FMN1: variants seen among roughly 807,000 people sequenced by gnomAD.
FMN1 encodes formin-1.
FMN1 carries 110 observed loss-of-function variants against 132.4 expected under a neutral mutation model. The ratio of observed to expected loss-of-function variants is 0.83; its 90% CI spans 0.71 to 0.97. FMN1 has a LOEUF of 0.97. FMN1 is among the 50% of genes least tolerant of loss of function. The pLI, the probability that FMN1 is intolerant of heterozygous loss-of-function variation, is 0.00. For synonymous variants in FMN1, 722 were observed against 651.7 expected (o/e 1.11, Z -1.64); for missense variants, 1,792 against 1,705.3 (o/e 1.05, Z -0.90).
intron 7 of FMN1, among the ~76,000 whole-genome samples, chr15:32,995,070 T>C (rs576359791): frequency 1.1e-4 from 17 of 152,194 alleles, no homozygotes; most frequent in African/African-American, 4.1e-4. Flanking sequence ...CTAAAGTAAT[T>C]GTAAAATACT....
At chr15:32,891,439 T>G (rs1434330286) in intron 15 of FMN1, among the ~76,000 whole-genome samples, 1 of 152,216 alleles carries the variant, frequency 6.6e-6, no homozygotes, top group Non-Finnish European at 1.5e-5. Context: ...AGACGGGGTT[T>G]CACCATGTTA....
At chr15:32,938,166 C>T (rs2061322956) in intron 9 of FMN1, among the ~76,000 whole-genome samples, 1 of 151,934 alleles carries the variant, frequency 6.6e-6, no homozygotes, top group African/African-American at 2.4e-5. Context: ...CTTGTCAGTG[C>T]AGGCAGAGCC....
At chr15:32,921,660 C>G (rs2060824995) in intron 10 of FMN1, among the ~76,000 whole-genome samples, 1 of 149,446 alleles carries the variant, frequency 6.7e-6, no homozygotes, top group Non-Finnish European at 1.5e-5. Context: ...TCTATATACT[C>G]CAGCTGTGTC....
chr15:32,969,775 A>AT, intron 7 of FMN1, among the ~76,000 whole-genome samples: 1 of 152,376 alleles, frequency 6.6e-6, no homozygotes, highest in East Asian at 1.9e-4. Flanking sequence ...CCCAATTTGC[A>AT]TATCAAACAC....
Position 33,070,091 on chromosome 15 carries a change from C to T in FMN1, c.2044-5017G>A, listed in dbSNP as rs1387333436. ...TGCAATCTCCGCTCACCACAACCCC[C>T]GCCTCCCGGGTTCAAGTGATTCTTC... is the stretch of plus-strand genomic sequence containing the variant. On this transcript the variant is annotated intron_variant, in intron 5 of 20. Coordinates refer to ENST00000616417, the MANE Select transcript of FMN1 (RefSeq NM_001277313.2). Among the ~76,000 whole-genome samples the T allele has an allele frequency of 5.4e-5, 8 of 148,244 alleles. No homozygotes were observed. The South Asian group carries it at 8.6e-4, about 16-fold the overall frequency.
intron 6 of FMN1, among the ~76,000 whole-genome samples, chr15:33,009,124 A>G (rs994840024): frequency 1.3e-5 from 2 of 152,212 alleles, no homozygotes; most frequent in Non-Finnish European, 2.9e-5. Flanking sequence ...AAGGTGCTCC[A>G]CTGAGCTGTG....
rs966635026 is a variant in FMN1, at chr15:32,969,344, T to G, written c.2357A>C (p.Asp786Ala). The stretch of plus-strand genomic sequence containing the variant: ...GTCATCATCGGTGGAAATGCACACA[T>G]CTTTCCTCTCTTCACAACCCCCTCG... ...RWRGGCEERK[D>A]VCISTDDDCP... The change falls in exon 8 of 21, where the codon GAT becomes GCT. Residue 786 changes from aspartate (D) to alanine (A), a missense_variant. This residue lies in a region of FMN1 where 1,150 missense variants were observed against 1,043.1 expected (regional missense o/e 1.10). Transcript: ENST00000616417. 1 of 1,614,008 alleles carries G rather than the reference T, an allele frequency of 6.2e-7. No homozygotes were observed. Among genetic ancestry groups the G allele is most frequent in the Non-Finnish European group, 8.5e-7 (1 of 1,179,898 alleles).
intron 6 of FMN1, among the ~76,000 whole-genome samples, chr15:33,016,583 G>A (rs918491537): frequency 2.6e-5 from 4 of 152,206 alleles, no homozygotes; most frequent in African/African-American, 9.6e-5. Context: ...ACAGCTGCCA[G>A]CAGAGCTTTT....
chr15:32,954,049 A>G (rs993998716), intron 9 of FMN1, among the ~76,000 whole-genome samples: 3 of 152,218 alleles, frequency 2.0e-5, no homozygotes, highest in African/African-American at 7.2e-5. Context: ...AGTTAAGGTC[A>G]GAGGGGTTAC....
At chr15:33,031,343 G>C (rs2035928393) in intron 6 of FMN1, among the ~76,000 whole-genome samples, 1 of 152,154 alleles carries the variant, frequency 6.6e-6, no homozygotes, top group African/African-American at 2.4e-5. Flanking sequence ...TGCTTCTGAT[G>C]CACCTGAGAG....
In FMN1 at chr15:32,970,006, T is replaced by C. The variant is rs78036938; in HGVS notation, c.2224-529A>G. Among the ~76,000 whole-genome samples the C allele has an allele frequency of 2.6e-5, 4 of 152,306 alleles. No individual in the cohort carries two copies. The South Asian group carries it at 8.3e-4, about 32-fold the overall frequency. ...AAGAAGCCACGATAACTTACTTTTTTAAAGTTTCCTTATAAAAGCAGCCCA... is the reference window on the plus strand; with the variant it reads ...AAGAAGCCACGATAACTTACTTTTTCAAAGTTTCCTTATAAAAGCAGCCCA... On this transcript the variant is annotated intron_variant, in intron 7 of 20. Transcript: ENST00000616417.
chr15:33,143,713 C>T (rs944253466), intron 4 of FMN1, among the ~76,000 whole-genome samples: 1 of 152,176 alleles, frequency 6.6e-6, no homozygotes, highest in Non-Finnish European at 1.5e-5. Context: ...CTTGCAGCCA[C>T]TGCCTTATCA....
chr15:33,019,100 C>A (rs1038121206), intron 6 of FMN1, among the ~76,000 whole-genome samples: 27 of 152,162 alleles, frequency 1.8e-4, no homozygotes, highest in Non-Finnish European at 3.2e-4. Flanking sequence ...TGGCCCCACC[C>A]ACATCCTGCT....
chr15:33,045,440 A>G (rs2036633577), intron 6 of FMN1, among the ~76,000 whole-genome samples: 3 of 152,172 alleles, frequency 2.0e-5, no homozygotes, highest in South Asian at 2.1e-4. Flanking sequence ...GTTAAGAAAT[A>G]TCCCAAAAAT....
chr15:32,821,814 C>G lies in FMN1; in HGVS notation c.3929-17482G>C, dbSNP rs891283128. Among the ~76,000 whole-genome samples the G allele has an allele frequency of 2.0e-5, 3 of 152,082 alleles. No homozygotes were observed. In the South Asian group the frequency reaches 6.2e-4, roughly 32 times the overall value. ...AGGTTATCTACAGCTTATTATATCT[C>G]AATACCCTAACCTGGAACAATATAA... On this transcript the variant is annotated intron_variant, in intron 17 of 20. Transcript: ENST00000616417.
chr15:33,104,645 G>A (rs117865210), intron 4 of FMN1, among the ~76,000 whole-genome samples: 315 of 152,094 alleles, frequency 2.1e-3, no homozygotes, highest in African/African-American at 7.3e-3. Flanking sequence ...CTAGTAATAC[G>A]TATGTATTCC....
At chr15:33,030,984 C>T (rs911157107) in intron 6 of FMN1, among the ~76,000 whole-genome samples, 2 of 151,932 alleles carry the variant, frequency 1.3e-5, no homozygotes, top group African/African-American at 2.4e-5. Context: ...CTCCCCACCC[C>T]ACCCCCCGAC....
chr15:32,907,055 A>T (rs2060443221), intron 12 of FMN1, among the ~76,000 whole-genome samples: 1 of 152,176 alleles, frequency 6.6e-6, no homozygotes, highest in African/African-American at 2.4e-5. Context: ...GAGGTATTCT[A>T]GAGCAGCTGT....
chr15:32,780,684 T>C (rs549257668), intron 19 of FMN1, among the ~76,000 whole-genome samples: 27 of 152,278 alleles, frequency 1.8e-4, no homozygotes, highest in Admixed American at 1.5e-3. Context: ...TTGGGACCAC[T>C]TTCCTGTAAC....
Sources: allele counts gnomAD v4.1 joint callset (sites outside exome capture counted in the v4.1 genomes callset), GRCh38; gene constraint gnomAD v4.1.1; regional missense constraint gnomAD v4.1.1; transcripts MANE v1.5; gene names NCBI Gene and HGNC (gene_info 2026-07-23, HGNC 2026-07-21).